KIF1B: variants seen among roughly 807,000 people sequenced by gnomAD.
KIF1B encodes kinesin family member 1B.
KIF1B carries 76 observed loss-of-function variants against 241.9 expected under a neutral mutation model. The observed-to-expected ratio is 0.31, with a 90% confidence interval of 0.26 to 0.38. KIF1B has a LOEUF of 0.38. KIF1B is among the 10% of genes least tolerant of loss of function. The pLI is 1.00. For synonymous variants in KIF1B, 750 were observed against 796.7 expected (o/e 0.94, Z 0.99); for missense variants, 1,622 against 2,271.4 (o/e 0.71, Z 5.81).
chr1:10,304,347 C>T (rs750881959), intron 22 of KIF1B: 63 of 1,614,062 alleles, frequency 3.9e-5, no homozygotes, highest in Non-Finnish European at 5.0e-5. Context: ...GCAATTCTCT[C>T]AATAATGGCC....
chr1:10,310,855 G>A (rs1443601293), intron 22 of KIF1B, among the ~76,000 whole-genome samples: 3 of 151,526 alleles, frequency 2.0e-5, no homozygotes, highest in African/African-American at 7.3e-5. Flanking sequence ...TTTAACGGGT[G>A]CCTTTGGGAA....
At chr1:10,241,445 G>A (rs757225402) in intron 2 of KIF1B, among the ~76,000 whole-genome samples, 1 of 152,158 alleles carries the variant, frequency 6.6e-6, no homozygotes, top group Non-Finnish European at 1.5e-5. Flanking sequence ...GGGAATATAA[G>A]TTTAAAGGCA....
chr1:10,268,711 C>T (rs557440362), intron 7 of KIF1B, among the ~76,000 whole-genome samples: 3 of 149,282 alleles, frequency 2.0e-5, no homozygotes, highest in Non-Finnish European at 4.4e-5. Context: ...TGGAAAATAA[C>T]TCCACAACAG....
Position 10,267,395 on chromosome 1 carries a change from A to G in KIF1B, c.445A>G (p.Ile149Val), listed in dbSNP as rs1051917954. The G allele has an allele frequency of 6.2e-6, 10 of 1,614,024 alleles. No homozygotes were observed. The highest frequency in any genetic ancestry group is 8.5e-6 in the Non-Finnish European group (10 of 1,179,992). Residue 149 changes from isoleucine to valine, a missense_variant, in exon 6 of 49, where the codon ATT (isoleucine) becomes GTT (valine). Physicochemically the swap from Ile to Val is conservative, Grantham distance 29. Around this residue, in one of 7 missense-constraint regions of KIF1B, gnomAD observed 156 missense variants for 244.8 expected, o/e 0.64. Transcript: ENST00000676179. ...SYSVEVSYMEIYCERVRDLLN... is the reference protein window; with the variant it reads ...SYSVEVSYMEVYCERVRDLLN... ...TTGTTCATAGGTGAGCTACATGGAAATTTACTGTGAAAGAGTACGAGATTT... is the reference window on the plus strand; with the variant it reads ...TTGTTCATAGGTGAGCTACATGGAAGTTTACTGTGAAAGAGTACGAGATTT...
chr1:10,278,594 C>T (rs575184275), intron 13 of KIF1B: 7 of 195,196 alleles, frequency 3.6e-5, no homozygotes, highest in African/African-American at 1.7e-4. Flanking sequence ...TTTGAATGGC[C>T]CCCTCCTCCT....
intron 2 of KIF1B, among the ~76,000 whole-genome samples, chr1:10,252,866 G>A (rs751213152): frequency 3.3e-5 from 5 of 151,934 alleles, no homozygotes; most frequent in Non-Finnish European, 7.4e-5. Context: ...TGGGATTACA[G>A]GCGTGCCCCA....
chr1:10,348,259 G>C (rs910432189), intron 36 of KIF1B, among the ~76,000 whole-genome samples: 1 of 152,148 alleles, frequency 6.6e-6, no homozygotes, highest in Non-Finnish European at 1.5e-5. Context: ...GGTTCAGTCA[G>C]TGTTCAAAAG....
At chr1:10,316,982 A>C (rs942722758) in intron 22 of KIF1B, among the ~76,000 whole-genome samples, 2 of 151,230 alleles carry the variant, frequency 1.3e-5, no homozygotes, top group Non-Finnish European at 2.9e-5. Flanking sequence ...GCCTGATCAT[A>C]GCGCACTACA....
chr1:10,233,084 C>T (rs996334856), intron 2 of KIF1B, among the ~76,000 whole-genome samples: 1 of 152,174 alleles, frequency 6.6e-6, no homozygotes, highest in Admixed American at 6.5e-5. Flanking sequence ...CCAGAAGAAT[C>T]GTCACCCTTT....
intron 5 of KIF1B, among the ~76,000 whole-genome samples, chr1:10,267,003 T>TTTTC (rs539886931): frequency 2.2e-4 from 33 of 151,538 alleles, no homozygotes; most frequent in South Asian, 6.2e-4. Context: ...TTTGTTTTCT[T>TTTTC]TTTCTTTCTT....
At chr1:10,296,416 G>A (rs1201238938) in intron 19 of KIF1B, among the ~76,000 whole-genome samples, 166 bp from the exon 20 acceptor site, 2 of 152,088 alleles carry the variant, frequency 1.3e-5, no homozygotes, top group Non-Finnish European at 2.9e-5. Flanking sequence ...TTCTATTGGG[G>A]CTAGTTCTGG....
At chr1:10,221,897 C>T (rs1324705982) in intron 1 of KIF1B, among the ~76,000 whole-genome samples, 1 of 152,108 alleles carries the variant, frequency 6.6e-6, no homozygotes, top group Non-Finnish European at 1.5e-5. Flanking sequence ...CTCACTGCAA[C>T]CTGTGCCTCC....
intron 22 of KIF1B, among the ~76,000 whole-genome samples, chr1:10,313,759 C>T (rs1054727773): frequency 6.6e-6 from 1 of 150,732 alleles, no homozygotes; most frequent in African/African-American, 2.5e-5. Flanking sequence ...ACCGTGTTAG[C>T]CAGGATGGTC....
chr1:10,216,282 TTAAGGTCTCAAA>T (rs1557641129), intron 1 of KIF1B, among the ~76,000 whole-genome samples: 1 of 152,206 alleles, frequency 6.6e-6, no homozygotes, highest in Non-Finnish European at 1.5e-5. Flanking sequence ...TGTCATCATG[TTAAGGTCTCAAA>T]TTCACCTTCA....
chr1:10,314,243 G>A (rs989531589), intron 22 of KIF1B, among the ~76,000 whole-genome samples: 30 of 151,506 alleles, frequency 2.0e-4, no homozygotes, highest in Admixed American at 1.2e-3. Context: ...TGAACAGAAC[G>A]ATAGTATGTG....
In KIF1B at chr1:10,258,573, A is replaced by G. The variant is rs769781641; in HGVS notation, c.264A>G (p.Gly88=). 8 of 1,614,150 alleles carry G rather than the reference A, an allele frequency of 5.0e-6. No individual in the cohort carries two copies. Among genetic ancestry groups the G allele is most frequent in the Non-Finnish European group, 6.8e-6 (8 of 1,179,996 alleles). The change falls in exon 4 of 49, where the codon GGA becomes GGG. Residue 88 remains glycine (G), a synonymous_variant. Transcript: ENST00000676179. ...GKEMLLHAFE[G]YNVCIFAYGQ... The stretch of plus-strand genomic sequence containing the variant: ...AAATGCTCTTACACGCCTTTGAGGG[A>G]TATAATGTCTGTATTTTTGCCTATG...
At chr1:10,359,859 C>T (rs1638365928) in intron 38 of KIF1B, among the ~76,000 whole-genome samples, 1 of 151,826 alleles carries the variant, frequency 6.6e-6, no homozygotes, top group Admixed American at 6.6e-5. Flanking sequence ...CATGGTGAAA[C>T]CCCTCCTCTA....
chr1:10,361,953 AC>A, intron 40 of KIF1B, 128 bp downstream of exon 40: 1 of 1,041,130 alleles, frequency 9.6e-7, no homozygotes, highest in East Asian at 2.4e-5. Context: ...GGTAACTGAC[AC>A]CTGGAATGTA....
intron 22 of KIF1B, among the ~76,000 whole-genome samples, chr1:10,318,587 C>T (rs1351808415): frequency 6.8e-6 from 1 of 147,090 alleles, no homozygotes; most frequent in Admixed American, 6.6e-5. Context: ...GGCATGGTGG[C>T]GGGCACCTGT....
Sources: gnomAD v4.1 joint callset for allele counts (sites outside exome capture counted in the v4.1 genomes callset) on GRCh38, gnomAD v4.1.1 for gene constraint, gnomAD v4.1.1 regional missense constraint, MANE v1.5 for transcripts, NCBI Gene and HGNC (gene_info 2026-07-23, HGNC 2026-07-21) for gene names.